Variants in TLN2 observed in about 807,000 individuals in gnomAD.
The protein encoded by TLN2 is talin 2.
Under a neutral mutation model 294.7 loss-of-function variants are expected in TLN2, and 118 were observed. The ratio of observed to expected loss-of-function variants is 0.40; its 90% confidence interval spans 0.34 to 0.47. TLN2 has a LOEUF of 0.47. TLN2 is among the 20% of genes least tolerant of loss of function. TLN2 has a pLI of 0.84. For synonymous variants in TLN2, 1,431 were observed against 1,304.5 expected (o/e 1.10, Z -2.09); for missense variants, 3,083 against 3,282.2 (o/e 0.94, Z 1.48).
intron 1 of TLN2, among the ~76,000 whole-genome samples, chr15:62,440,465 C>T (rs766437121): frequency 7.9e-5 from 12 of 152,128 alleles, no homozygotes; most frequent in Non-Finnish European, 1.6e-4. Flanking sequence ...GGCTGCAGAT[C>T]GGTAAATACA....
intron 11 of TLN2, among the ~76,000 whole-genome samples, chr15:62,678,210 C>T (rs1345719768): frequency 6.6e-6 from 1 of 152,076 alleles, no homozygotes; most frequent in Admixed American, 6.5e-5. Flanking sequence ...GCTCAGTGGG[C>T]CCATTAGTAT....
chr15:62,633,530 C>T (rs1159197403), intron 3 of TLN2, among the ~76,000 whole-genome samples: 2 of 152,160 alleles, frequency 1.3e-5, no homozygotes, highest in East Asian at 3.9e-4. Context: ...GTCTCGAACT[C>T]CTGGACTCAA....
At chr15:62,694,423 C>T (rs749997955) in intron 14 of TLN2, 31 bp downstream of exon 14, 1 of 1,592,636 alleles carries the variant, frequency 6.3e-7, no homozygotes, top group Non-Finnish European at 8.6e-7. Flanking sequence ...TAGAGGACCA[C>T]CTTCTCCCTA....
At chr15:62,647,767 C>A (rs897218970) in intron 4 of TLN2, among the ~76,000 whole-genome samples, 2 of 152,174 alleles carry the variant, frequency 1.3e-5, no homozygotes, top group African/African-American at 4.8e-5. Context: ...GCTGCCCTAA[C>A]AGTATTGGCG....
At chr15:62,732,065 T>C (rs1019190310) in intron 28 of TLN2, among the ~76,000 whole-genome samples, 2 of 152,150 alleles carry the variant, frequency 1.3e-5, no homozygotes, top group African/African-American at 4.8e-5. Context: ...GCGAGGGCTT[T>C]GTGGATTGTT....
intron 8 of TLN2, among the ~76,000 whole-genome samples, chr15:62,656,417 TG>T (rs1379893244): frequency 1.3e-5 from 2 of 152,220 alleles, no homozygotes; most frequent in African/African-American, 2.4e-5. Context: ...GTTTCTTAGC[TG>T]GCATCTTAGA....
chr15:62,621,807 T>C (rs1349095010), intron 3 of TLN2, among the ~76,000 whole-genome samples: 1 of 152,208 alleles, frequency 6.6e-6, no homozygotes, highest in Non-Finnish European at 1.5e-5. Flanking sequence ...AGCTCTTGCA[T>C]TAGCAGGTAC....
At chr15:62,778,412 A>C (rs965512516) in intron 43 of TLN2, among the ~76,000 whole-genome samples, 11 of 152,216 alleles carry the variant, frequency 7.2e-5, no homozygotes, top group African/African-American at 2.7e-4. Context: ...GTATCTACCT[A>C]AGGATGTTAA....
intron 26 of TLN2, among the ~76,000 whole-genome samples, chr15:62,724,258 A>C (rs971001099): frequency 6.6e-6 from 1 of 152,338 alleles, no homozygotes; most frequent in East Asian, 1.9e-4. Flanking sequence ...CTTCTTGAGT[A>C]ATAGTGGCAC....
chr15:62,419,903 G>T (rs1467942918), intron 1 of TLN2, among the ~76,000 whole-genome samples: 2 of 152,162 alleles, frequency 1.3e-5, no homozygotes, highest in Non-Finnish European at 2.9e-5. Flanking sequence ...GGGATTACAG[G>T]CGTGAGCCAC....
chr15:62,696,968 C>A (rs148408241), intron 14 of TLN2, among the ~76,000 whole-genome samples: 1 of 152,082 alleles, frequency 6.6e-6, no homozygotes, highest in African/African-American at 2.4e-5. Flanking sequence ...ATCTCTGATG[C>A]CTAGAATGGA....
In TLN2 at chr15:62,739,543, C is replaced by T; in HGVS notation, c.3883C>T (p.Gln1295Ter). Residue 1295 changes from glutamine (Q) to a stop codon, truncating the protein, a stop_gained and splice_region_variant, in exon 31 of 59, where the codon CAG (glutamine) becomes TAG (stop). Transcript: ENST00000636159. LOFTEE classifies it high-confidence loss of function. ...DAGIEMAGQA[Q>*]TKEDQIQVIG... ...TGGCATTGAGATGGCTGGCCAAGCTCAGGTGGGTGTGGAGGTGGTTGTCTG... is the reference window on the plus strand; with the variant it reads ...TGGCATTGAGATGGCTGGCCAAGCTTAGGTGGGTGTGGAGGTGGTTGTCTG... The T allele has an allele frequency of 6.2e-7, 1 of 1,614,108 alleles. No homozygotes were observed. Among genetic ancestry groups the T allele is most frequent in the Non-Finnish European group, 8.5e-7 (1 of 1,179,984 alleles).
chr15:62,586,685 T>A (rs2045639087), intron 1 of TLN2, among the ~76,000 whole-genome samples: 1 of 152,176 alleles, frequency 6.6e-6, no homozygotes, highest in Non-Finnish European at 1.5e-5. Flanking sequence ...TGTGAAGTGG[T>A]TACACATGTT....
At chr15:62,733,657 G>A (rs893550926) in intron 28 of TLN2, among the ~76,000 whole-genome samples, 1 of 152,232 alleles carries the variant, frequency 6.6e-6, no homozygotes, top group African/African-American at 2.4e-5. Context: ...GAATTCTGGT[G>A]AAGAATAGCA....
intron 11 of TLN2, among the ~76,000 whole-genome samples, chr15:62,686,363 C>T (rs1219801111): frequency 6.6e-6 from 1 of 152,172 alleles, no homozygotes; most frequent in East Asian, 1.9e-4. Context: ...TCAGTTCTAT[C>T]CCATCTTTCT....
chr15:62,776,598 T>G (rs2063734972), intron 42 of TLN2, among the ~76,000 whole-genome samples, 166 bp from the exon 43 acceptor site: 1 of 152,328 alleles, frequency 6.6e-6, no homozygotes, highest in South Asian at 2.1e-4. Flanking sequence ...GATTTTTATT[T>G]ACTTTGCAAA....
At chr15:62,655,178 G>T (rs982557458) in intron 7 of TLN2, among the ~76,000 whole-genome samples, 1 of 152,002 alleles carries the variant, frequency 6.6e-6, no homozygotes, top group Non-Finnish European at 1.5e-5. Context: ...ACTCTCCCAG[G>T]TACTGTGGGA....
At chr15:62,642,538 G>A (rs1280736488) in intron 3 of TLN2, among the ~76,000 whole-genome samples, 3 of 151,676 alleles carry the variant, frequency 2.0e-5, no homozygotes, top group Non-Finnish European at 4.4e-5. Context: ...TCTTTATCGA[G>A]GTGTGTTGTC....
intron 51 of TLN2, among the ~76,000 whole-genome samples, chr15:62,806,012 G>A (rs1302283115): frequency 6.6e-6 from 1 of 152,056 alleles, no homozygotes. Context: ...AACATAGTGA[G>A]ACCTCATCTC....
Sources: allele counts gnomAD v4.1 joint callset (sites outside exome capture counted in the v4.1 genomes callset), GRCh38; gene constraint gnomAD v4.1.1; transcripts MANE v1.5; gene names NCBI Gene and HGNC (gene_info 2026-07-23, HGNC 2026-07-21).